EPHA3: variants seen among roughly 807,000 people sequenced by gnomAD.
EPHA3 encodes ephrin type-A receptor 3.
In EPHA3, 42 loss-of-function variants were observed where a neutral mutation model predicts 107.1. That is an observed-to-expected ratio of 0.39 (90% CI 0.31 to 0.51). EPHA3 has a LOEUF of 0.51. EPHA3 is among the 20% of genes least tolerant of loss of function. The pLI, the probability that EPHA3 is intolerant of heterozygous loss-of-function variation, is 0.78. For missense variants in EPHA3, 1,183 were observed against 1,211.2 expected (o/e 0.98, Z 0.35); for synonymous variants, 461 against 424.8 (o/e 1.09, Z -1.05).
At chr3:89,222,209 A>G (rs1394421618) in intron 3 of EPHA3, among the ~76,000 whole-genome samples, 2 of 151,960 alleles carry the variant, frequency 1.3e-5, no homozygotes, top group Middle Eastern at 3.4e-3. Flanking sequence ...TGCTTGCACA[A>G]TATGCTTCAT....
chr3:89,204,127 G>T (rs946848923), intron 2 of EPHA3, among the ~76,000 whole-genome samples: 1 of 152,152 alleles, frequency 6.6e-6, no homozygotes, highest in East Asian at 1.9e-4. Context: ...AAAATACTTT[G>T]TTGGCTTTCC....
At chr3:89,384,618 A>G (rs532543370) in intron 5 of EPHA3, among the ~76,000 whole-genome samples, 1 of 152,340 alleles carries the variant, frequency 6.6e-6, no homozygotes, top group Admixed American at 6.5e-5. Context: ...TTAAATGCAT[A>G]TCTGTCTAAG....
intron 2 of EPHA3, among the ~76,000 whole-genome samples, chr3:89,140,467 T>C (rs545491418): frequency 1.3e-5 from 2 of 151,898 alleles, no homozygotes; most frequent in African/African-American, 4.8e-5. Flanking sequence ...GTTGTTCATA[T>C]GTAGCTTTCA....
chr3:89,152,769 T>G (rs1378995718), intron 2 of EPHA3, among the ~76,000 whole-genome samples: 1 of 152,088 alleles, frequency 6.6e-6, no homozygotes, highest in Non-Finnish European at 1.5e-5. Context: ...CACAAAGGAA[T>G]TGTTAATATG....
chr3:89,145,762 AT>A (rs549337404), intron 2 of EPHA3, among the ~76,000 whole-genome samples: 10 of 150,796 alleles, frequency 6.6e-5, no homozygotes, highest in African/African-American at 1.9e-4. Context: ...TTCCTGAGGA[AT>A]TTTTTTTTCT....
intron 9 of EPHA3, 80 bp from the exon 10 acceptor site, chr3:89,413,061 C>A (rs1175396849): frequency 2.5e-6 from 4 of 1,577,070 alleles, no homozygotes; most frequent in East Asian, 2.2e-5. Context: ...TTTTTTAAAC[C>A]AATAATGCCA....
At chr3:89,183,349 T>C (rs921566969) in intron 2 of EPHA3, among the ~76,000 whole-genome samples, 5 of 151,968 alleles carry the variant, frequency 3.3e-5, no homozygotes, top group Non-Finnish European at 5.9e-5. Context: ...CTATTATGCA[T>C]AGTCCTGGAT....
intron 2 of EPHA3, among the ~76,000 whole-genome samples, chr3:89,196,536 C>A (rs1201481063): frequency 6.6e-6 from 1 of 151,652 alleles, no homozygotes; most frequent in Non-Finnish European, 1.5e-5. Context: ...AATGAAAGAT[C>A]AACTTCATCT....
chr3:89,350,034 C>T (rs1162513725), intron 5 of EPHA3, among the ~76,000 whole-genome samples: 2 of 150,572 alleles, frequency 1.3e-5, no homozygotes, highest in Admixed American at 6.6e-5. Flanking sequence ...ACCTTTCTCT[C>T]TGGCTGCCCT....
intron 3 of EPHA3, among the ~76,000 whole-genome samples, chr3:89,283,056 G>C (rs1705987505): frequency 6.6e-6 from 1 of 152,030 alleles, no homozygotes; most frequent in East Asian, 1.9e-4. Context: ...AATTATCATG[G>C]ATCCAATCAA....
chr3:89,206,880 C>T (rs1362487792), intron 2 of EPHA3, among the ~76,000 whole-genome samples: 1 of 151,776 alleles, frequency 6.6e-6, no homozygotes, highest in Admixed American at 6.6e-5. Context: ...TAGAATGTAT[C>T]TTGTATATTA....
At chr3:89,352,697 A>T (rs1375878557) in intron 5 of EPHA3, among the ~76,000 whole-genome samples, 2 of 150,730 alleles carry the variant, frequency 1.3e-5, no homozygotes, top group Non-Finnish European at 1.5e-5. Flanking sequence ...TGAGGTCAGG[A>T]ATTCAAGACC....
chr3:89,474,121 C>T lies in EPHA3; in HGVS notation c.2846+1502C>T, dbSNP rs1416044564. Among the ~76,000 whole-genome samples the T allele has an allele frequency of 1.5e-4, 23 of 152,018 alleles. No homozygotes were observed. In the East Asian group the frequency reaches 4.3e-3, roughly 28 times the overall value. On this transcript the variant is annotated intron_variant, in intron 16 of 16. Transcript: ENST00000336596. Reference sequence around the variant, plus strand: ...GATTAGATGCCAGAAAAGAACATGCCATGTAATTAATAGATATAAGTGCCC... The same window carrying T: ...GATTAGATGCCAGAAAAGAACATGCTATGTAATTAATAGATATAAGTGCCC...
chr3:89,134,686 C>T (rs1457864823), intron 2 of EPHA3, among the ~76,000 whole-genome samples: 1 of 152,108 alleles, frequency 6.6e-6, no homozygotes, highest in African/African-American at 2.4e-5. Context: ...AATGGCCGGT[C>T]ACTATGCTCC....
intron 3 of EPHA3, among the ~76,000 whole-genome samples, chr3:89,300,457 A>G (rs1401571415): frequency 6.6e-6 from 1 of 152,036 alleles, no homozygotes; most frequent in Non-Finnish European, 1.5e-5. Flanking sequence ...CACAACACAG[A>G]CATACAAATA....
At chr3:89,186,377 A>AT (rs202069957) in intron 2 of EPHA3, among the ~76,000 whole-genome samples, 2,062 of 148,652 alleles carry the variant, frequency 0.014, 38 homozygotes, top group African/African-American at 0.047. Flanking sequence ...GGTTTAAAAA[A>AT]AATATAAATA....
chr3:89,127,169 A>T (rs1309499835), intron 1 of EPHA3, 40 bp from the exon 2 acceptor site: 1 of 1,465,444 alleles, frequency 6.8e-7, no homozygotes, highest in East Asian at 2.3e-5. Context: ...GAAATAATTC[A>T]CTGTTATTAA....
chr3:89,410,882 A>G (rs1005180015), intron 9 of EPHA3, among the ~76,000 whole-genome samples: 2 of 151,906 alleles, frequency 1.3e-5, no homozygotes, highest in Admixed American at 1.3e-4. Flanking sequence ...TTTTAATGTA[A>G]CAATAAAGCA....
At chr3:89,186,657 G>A (rs529933657) in intron 2 of EPHA3, among the ~76,000 whole-genome samples, 7 of 152,162 alleles carry the variant, frequency 4.6e-5, no homozygotes, top group African/African-American at 1.7e-4. Flanking sequence ...TTTGAGACCT[G>A]GACAAGTGCC....
Sources: gnomAD v4.1 joint callset for allele counts (sites outside exome capture counted in the v4.1 genomes callset) on GRCh38, gnomAD v4.1.1 for gene constraint, MANE v1.5 for transcripts, NCBI Gene and HGNC (gene_info 2026-07-23, HGNC 2026-07-21) for gene names.